MIGA2: variants seen among roughly 807,000 people sequenced by gnomAD.
MIGA2 encodes the protein mitoguardin 2, also known as family with sequence similarity 73, member B.
Under a neutral mutation model 69.9 loss-of-function variants are expected in MIGA2, and 36 were observed. That is an observed-to-expected ratio of 0.52 (90% CI 0.39 to 0.68). The LOEUF is 0.68. MIGA2 is among the 30% of genes least tolerant of loss of function. MIGA2 has a pLI of 0.00. For synonymous variants in MIGA2, 333 were observed against 349.2 expected (o/e 0.95, Z 0.52); for missense variants, 660 against 787.7 (o/e 0.84, Z 1.94).
At chr9:129,055,625 C>A (rs545377396) in intron 6 of MIGA2, among the ~76,000 whole-genome samples, 2 of 151,774 alleles carry the variant, frequency 1.3e-5, no homozygotes, top group Non-Finnish European at 2.9e-5. Context: ...ATGAGGTGGG[C>A]GATCACGAGG....
intron 11 of MIGA2, 22 bp downstream of exon 11, chr9:129,063,653 G>GC: frequency 7.3e-7 from 1 of 1,376,992 alleles, no homozygotes; most frequent in Non-Finnish European, 1.0e-6. Context: ...TGGGGTGGGG[G>GC]GGCAAATTAT....
intron 1 of MIGA2, among the ~76,000 whole-genome samples, chr9:129,039,628 A>G (rs1271537359): frequency 6.6e-6 from 1 of 151,900 alleles, no homozygotes; most frequent in East Asian, 1.9e-4. Context: ...TTGTGATCTC[A>G]GCTCACTGCA....
Position 129,070,473 on chromosome 9 carries a change from G to T in MIGA2, c.*20G>T, listed in dbSNP as rs757711490. On this transcript the variant is annotated 3_prime_UTR_variant, in exon 16 of 16. Coordinates refer to ENST00000684074, the MANE Select transcript of MIGA2 (RefSeq NM_001329990.2). ...CAGTAGAGGCGGCACGGGCTGGGGG[G>T]TGGCAGAGAGAAGGCTCCTCCTCCC... 94 of 1,512,272 alleles carry T rather than the reference G, an allele frequency of 6.2e-5. No individual in the cohort carries two copies. Among genetic ancestry groups the T allele is most frequent in the Admixed American group, 1.7e-4 (8 of 47,732 alleles). The allele number at this position is 1,512,272 out of a possible 1,614,324, so 93.7% of individuals were successfully genotyped here. A position where few individuals can be genotyped will look rare whatever the true frequency, so the allele number is the denominator to read the frequency against.
At position 129,049,908 on chromosome 9, in the gene MIGA2, C is replaced by T; in HGVS notation, c.620C>T (p.Pro207Leu). The T allele has an allele frequency of 6.2e-7, 1 of 1,613,794 alleles. No homozygotes were observed. The highest frequency in any genetic ancestry group is 1.3e-5 in the African/African-American group (1 of 75,054). The change falls in exon 6 of 16, where the codon CCC becomes CTC. Residue 207 changes from proline to leucine, a missense_variant. Physicochemically the swap from Pro to Leu is moderately conservative, Grantham distance 98. Around this residue, in one of 3 missense-constraint regions of MIGA2, gnomAD observed 386 missense variants for 402.0 expected, o/e 0.96. Coordinates refer to ENST00000684074, the MANE Select transcript of MIGA2 (RefSeq NM_001329990.2). ...CAGCGGGGGGACAGCGGCAGCACCCCCATGCCCAGGGACGGCCTCCGGAAC... is the reference window on the plus strand; with the variant it reads ...CAGCGGGGGGACAGCGGCAGCACCCTCATGCCCAGGGACGGCCTCCGGAAC... ...VGQRGDSGST[P>L]MPRDGLRNPE...
Position 129,068,048 on chromosome 9 carries a change from T to C in MIGA2, c.1270-150T>C. The C allele has an allele frequency of 1.5e-6, 2 of 1,306,382 alleles. No individual in the cohort carries two copies. The highest frequency in any genetic ancestry group is 2.2e-6 in the Non-Finnish European group (2 of 918,454). 80.9% of individuals were successfully genotyped at this position (1,306,382 alleles called of 1,614,324 possible). ...AGGCAGAGGGAGGAATGGCCTCAGCTACACCCGTTGCACAGCAGAGCGGGA... is the reference window on the plus strand; with the variant it reads ...AGGCAGAGGGAGGAATGGCCTCAGCCACACCCGTTGCACAGCAGAGCGGGA... On this transcript the variant is annotated intron_variant, in intron 12 of 15. Transcript: ENST00000684074. This position sits in a 1 kb window ranked among gnomAD's most constrained non-coding sequence, Gnocchi z 4.1.
At chr9:129,056,207 G>A (rs548510987) in intron 6 of MIGA2, among the ~76,000 whole-genome samples, 3 of 151,080 alleles carry the variant, frequency 2.0e-5, no homozygotes, top group Non-Finnish European at 4.4e-5. Context: ...CCATTACTTT[G>A]TGCTATTTAT....
Position 129,063,651 on chromosome 9 carries a change from G to A in MIGA2, c.1170+20G>A. The A allele has an allele frequency of 2.0e-6, 3 of 1,494,696 alleles. 1 individual carries two copies. The highest frequency in any genetic ancestry group is 2.8e-6 in the Non-Finnish European group (3 of 1,071,576). 92.6% of individuals were successfully genotyped at this position (1,494,696 alleles called of 1,614,324 possible). On this transcript the variant is annotated intron_variant, in intron 11 of 15. Coordinates refer to ENST00000684074, the MANE Select transcript of MIGA2 (RefSeq NM_001329990.2). ...GAGAAGGTAGCAGGGGGTGGGGTGG[G>A]GGGGCAAATTATAAAATGCAAACCA...
intron 5 of MIGA2, among the ~76,000 whole-genome samples, 158 bp from the exon 6 acceptor site, chr9:129,049,669 T>C (rs756375208): frequency 3.9e-5 from 6 of 152,164 alleles, no homozygotes; most frequent in Non-Finnish European, 7.3e-5. Flanking sequence ...GGAACAAACC[T>C]GGTCTGAAAG....
At chr9:129,039,552 T>TA (rs1564597735) in intron 1 of MIGA2, among the ~76,000 whole-genome samples, 1 of 150,334 alleles carries the variant, frequency 6.7e-6, no homozygotes, top group African/African-American at 2.4e-5. Context: ...GCTTCTTTAT[T>TA]TTATTATTAT....
rs757456051 is a variant in MIGA2, at chr9:129,069,800, TC to T, written c.1459-48del. On this transcript the variant is annotated intron_variant, in intron 14 of 15. Coordinates refer to ENST00000684074, the MANE Select transcript of MIGA2 (RefSeq NM_001329990.2). The surrounding 1 kb of genome is among the most constrained non-coding windows in gnomAD (Gnocchi z 4.9). ...TATGCGACACCTGGGCCTGGTGCCC[TC>T]ATCCTACCTGGGCCCCGCCTGGCCC... 3.5e-5 allele frequency: 47 copies of T among 1,329,028 alleles called. No individual in the cohort carries two copies. Among genetic ancestry groups the T allele is most frequent in the Non-Finnish European group, 5.1e-5 (47 of 922,408 alleles). The allele number at this position is 1,329,028 out of a possible 1,614,324, so 82.3% of individuals were successfully genotyped here.
At chr9:129,055,189 T>C (rs1411054962) in intron 6 of MIGA2, among the ~76,000 whole-genome samples, 1 of 151,700 alleles carries the variant, frequency 6.6e-6, no homozygotes, top group Non-Finnish European at 1.5e-5. Flanking sequence ...ACCATTCTCC[T>C]GCCTCAGCCT....
At chr9:129,070,105 A>G in intron 15 of MIGA2, 140 bp downstream of exon 15, 1 of 1,238,386 alleles carries the variant, frequency 8.1e-7, no homozygotes, top group Non-Finnish European at 1.2e-6. Flanking sequence ...ATGGGTCCAG[A>G]GGAAGCAGTG....
chr9:129,062,813 C>T (rs1252884270), intron 9 of MIGA2, among the ~76,000 whole-genome samples: 6 of 151,812 alleles, frequency 4.0e-5, no homozygotes, highest in Non-Finnish European at 7.4e-5. Context: ...CACTGCCCTC[C>T]AACCTGAGTG....
chr9:129,051,732 G>A lies in MIGA2; in HGVS notation c.675+1769G>A, dbSNP rs187437703. On this transcript the variant is annotated intron_variant, in intron 6 of 15. Transcript: ENST00000684074. ...TTGCCTCAGCCTCCCCAGTAGCTGG[G>A]ACTACAGGTGCCTGCCACCATGCCC... Among the ~76,000 whole-genome samples the A allele has an allele frequency of 6.0e-3, 901 of 151,222 alleles. 4 individuals are homozygous for A. Among genetic ancestry groups the A allele is most frequent in the Middle Eastern group, 0.014 (4 of 292 alleles).
intron 6 of MIGA2, among the ~76,000 whole-genome samples, chr9:129,056,520 C>CTTT (rs777582517): frequency 7.0e-6 from 1 of 142,210 alleles, no homozygotes; most frequent in South Asian, 2.2e-4. Flanking sequence ...GTAATAATGA[C>CTTT]TTTTTTTTTT....
rs1846647888 is a variant in MIGA2, at chr9:129,070,997, AG to A, written c.*546del. 1 of 154,030 alleles carries A rather than the reference AG, an allele frequency of 6.5e-6. No individual in the cohort carries two copies. The highest frequency in any genetic ancestry group is 2.0e-4 in the South Asian group (1 of 4,902). 9.5% of individuals were successfully genotyped at this position (154,030 alleles called of 1,614,324 possible). A position where few individuals can be genotyped will look rare whatever the true frequency, so the allele number is the denominator to read the frequency against. On this transcript the variant is annotated 3_prime_UTR_variant, in exon 16 of 16. Coordinates refer to ENST00000684074, the MANE Select transcript of MIGA2 (RefSeq NM_001329990.2). The stretch of plus-strand genomic sequence containing the variant: ...CCTGGGCCATCCAGAGATGGGGCAG[AG>A]GTGGGCCTCCCACTCCTGTGCTCTC...
intron 2 of MIGA2, among the ~76,000 whole-genome samples, chr9:129,041,392 G>T (rs1469033764): frequency 6.6e-6 from 1 of 151,970 alleles, no homozygotes; most frequent in African/African-American, 2.4e-5. Context: ...TACTTGGGAG[G>T]CTGAGGCGGG....
intron 6 of MIGA2, 136 bp downstream of exon 6, chr9:129,050,099 G>A: frequency 8.1e-7 from 1 of 1,232,662 alleles, no homozygotes; most frequent in Admixed American, 2.6e-5. Flanking sequence ...GTGTCTTGAT[G>A]TGAAACAAAA....
chr9:129,056,475 G>A (rs1317346236), intron 6 of MIGA2, among the ~76,000 whole-genome samples: 1 of 151,958 alleles, frequency 6.6e-6, no homozygotes. Context: ...GGCCCATGGT[G>A]GCCACCAGTA....
Sources: allele counts gnomAD v4.1 joint callset (sites outside exome capture counted in the v4.1 genomes callset), GRCh38; gene constraint gnomAD v4.1.1; regional missense constraint gnomAD v4.1.1; non-coding constraint Gnocchi (gnomAD v3.1); transcripts MANE v1.5; gene names NCBI Gene and HGNC (gene_info 2026-07-23, HGNC 2026-07-21).